The following EIPR1 variants were observed in gnomAD, a reference collection of about 807,000 sequenced individuals.
EIPR1 encodes the protein EARP and GARP complex-interacting protein 1.
A neutral mutation model predicts 48.1 loss-of-function variants in EIPR1; 25 were observed. The observed-to-expected ratio is 0.52, with a 90% CI of 0.38 to 0.73. The LOEUF is 0.73. Ranked by LOEUF, EIPR1 falls within the 30% of genes least tolerant of loss-of-function variation. The pLI is 0.00. For missense variants in EIPR1, 415 were observed against 506.2 expected (o/e 0.82, Z 1.73); for synonymous variants, 204 against 201.9 (o/e 1.01, Z -0.09).
chr2:3,279,410 T>C (rs1456542646), intron 3 of EIPR1, among the ~76,000 whole-genome samples: 1 of 152,158 alleles, frequency 6.6e-6, no homozygotes, highest in African/African-American at 2.4e-5. Context: ...CGAGGTAGCG[T>C]AGGATACAGG....
intron 4 of EIPR1, among the ~76,000 whole-genome samples, chr2:3,228,986 C>A (rs2368683): frequency 6.6e-6 from 1 of 152,130 alleles, no homozygotes; most frequent in South Asian, 2.1e-4. Flanking sequence ...GACTAATATA[C>A]CCTAGTCAAA....
At chr2:3,238,378 G>A (rs924594185) in intron 4 of EIPR1, among the ~76,000 whole-genome samples, 5 of 152,318 alleles carry the variant, frequency 3.3e-5, no homozygotes, top group East Asian at 1.9e-4. Flanking sequence ...CCAGAGCCGC[G>A]GGAGGTCCTG....
intron 5 of EIPR1, among the ~76,000 whole-genome samples, chr2:3,213,051 G>C (rs1014275865): frequency 6.6e-6 from 1 of 152,072 alleles, no homozygotes; most frequent in Non-Finnish European, 1.5e-5. Flanking sequence ...CTGAGGAAAG[G>C]ACTTATTAAT....
Position 3,198,535 on chromosome 2 carries a change from G to A in EIPR1, c.517-1518C>T, listed in dbSNP as rs553788752. Among the ~76,000 whole-genome samples the A allele has an allele frequency of 1.4e-4, 21 of 152,230 alleles. No homozygotes were observed. The South Asian group carries it at 1.7e-3, about 12-fold the overall frequency. ...ACCATCCTTGCAGAGCCTTGTTATC[G>A]GGGGAACCCACCCCCGATAATTCAA... On this transcript the variant is annotated intron_variant, in intron 5 of 8. Coordinates refer to ENST00000382125, the MANE Select transcript of EIPR1 (RefSeq NM_003310.5).
At chr2:3,191,773 GC>G (rs1664614012) in intron 8 of EIPR1, among the ~76,000 whole-genome samples, 1 of 152,248 alleles carries the variant, frequency 6.6e-6, no homozygotes, top group Admixed American at 6.5e-5. Context: ...TGAAGAGGCT[GC>G]CCTTAGCGAT....
chr2:3,359,351 A>G (rs1011846409), intron 1 of EIPR1, among the ~76,000 whole-genome samples: 15 of 152,302 alleles, frequency 9.8e-5, no homozygotes, highest in African/African-American at 3.6e-4. Flanking sequence ...TATTCAATTT[A>G]CTCCACTCTA....
intron 3 of EIPR1, among the ~76,000 whole-genome samples, chr2:3,273,508 A>G (rs1667757676): frequency 7.0e-6 from 1 of 141,932 alleles, no homozygotes; most frequent in Non-Finnish European, 1.5e-5. Flanking sequence ...GCTGGCATGC[A>G]TAGAAAAATG....
chr2:3,289,062 T>G (rs1668291380), intron 3 of EIPR1, among the ~76,000 whole-genome samples: 1 of 152,260 alleles, frequency 6.6e-6, no homozygotes, highest in Non-Finnish European at 1.5e-5. Flanking sequence ...TCTGGAGTTT[T>G]AATTGCCCAT....
intron 3 of EIPR1, among the ~76,000 whole-genome samples, chr2:3,300,303 T>C (rs1406195189): frequency 1.3e-5 from 2 of 152,228 alleles, no homozygotes; most frequent in East Asian, 1.9e-4. Flanking sequence ...TACTCTCCTT[T>C]GTACCTAGAC....
chr2:3,192,414 T>C lies in EIPR1; in HGVS notation c.989A>G (p.Lys330Arg), dbSNP rs984374759. 1.9e-6 allele frequency: 3 copies of C among 1,608,354 alleles called. No individual in the cohort carries two copies. The highest frequency in any genetic ancestry group is 1.7e-5 in the Admixed American group (1 of 59,214). Residue 330 changes from lysine to arginine, a missense_variant and splice_region_variant, in exon 8 of 9, where the codon AAG becomes AGG. Transcript: ENST00000382125. ...GCCACTCTGCAGTGCGTGCCCTTAC[T>C]TCTCTTCAGAACGGTGGTCCTCCTG... ...SDQEDHRSEE[K>R]SKEPLQDNVI...
intron 3 of EIPR1, among the ~76,000 whole-genome samples, chr2:3,309,983 G>A (rs903306893): frequency 2.0e-5 from 3 of 152,116 alleles, no homozygotes; most frequent in African/African-American, 4.8e-5. Flanking sequence ...GGGCAGGGAC[G>A]CTCCCTGCGC....
chr2:3,266,802 G>C (rs1667503455), intron 3 of EIPR1, among the ~76,000 whole-genome samples: 1 of 152,212 alleles, frequency 6.6e-6, no homozygotes, highest in South Asian at 2.1e-4. Flanking sequence ...GAGGCCAAGA[G>C]AGAAAAAGAC....
Position 3,188,970 on chromosome 2 carries a change from T to C in EIPR1, c.*364A>G, listed in dbSNP as rs144066636. On this transcript the variant is annotated 3_prime_UTR_variant, in exon 9 of 9. Transcript: ENST00000382125. ...CCTGAAAGAATGAGCCGAGCACCTG[T>C]GCAGCGTGGATTTATTTTATTTCAT... is the stretch of plus-strand genomic sequence containing the variant. The C allele has an allele frequency of 5.7e-3, 958 of 167,376 alleles. 10 individuals carry two copies. The highest frequency in any genetic ancestry group is 0.021 in the African/African-American group (875 of 42,220). 10.4% of individuals were successfully genotyped at this position (167,376 alleles called of 1,614,324 possible). A position where few individuals can be genotyped will look rare whatever the true frequency, so the allele number is the denominator to read the frequency against.
chr2:3,200,274 C>T (rs1165151806), intron 5 of EIPR1, among the ~76,000 whole-genome samples: 1 of 152,154 alleles, frequency 6.6e-6, no homozygotes, highest in Non-Finnish European at 1.5e-5. Context: ...GCCCAGCTCC[C>T]CTGTGCCCAG....
intron 3 of EIPR1, among the ~76,000 whole-genome samples, chr2:3,293,392 G>A (rs537721685): frequency 9.2e-5 from 14 of 152,332 alleles, no homozygotes; most frequent in Middle Eastern, 3.4e-3. Context: ...GAGTCCATGC[G>A]TGGGGAGGGC....
At chr2:3,209,149 G>C (rs1217150382) in intron 5 of EIPR1, among the ~76,000 whole-genome samples, 1 of 152,198 alleles carries the variant, frequency 6.6e-6, no homozygotes, top group East Asian at 1.9e-4. Flanking sequence ...AGGGTGATTT[G>C]AAAGTTGGAG....
intron 3 of EIPR1, among the ~76,000 whole-genome samples, chr2:3,299,447 G>A (rs954261788): frequency 1.1e-4 from 16 of 152,252 alleles, no homozygotes; most frequent in African/African-American, 2.4e-4. Context: ...CTGACTGGGC[G>A]CGGCCTTGTT....
At chr2:3,339,087 C>G (rs1402173317) in intron 2 of EIPR1, among the ~76,000 whole-genome samples, 2 of 152,190 alleles carry the variant, frequency 1.3e-5, no homozygotes, top group African/African-American at 4.8e-5. Context: ...GTACTGTAGA[C>G]TACTCAGTGG....
intron 2 of EIPR1, among the ~76,000 whole-genome samples, chr2:3,341,251 G>A (rs1350697011): frequency 1.3e-5 from 2 of 152,050 alleles, no homozygotes; most frequent in Non-Finnish European, 2.9e-5. Flanking sequence ...GACACGAGAA[G>A]GAGCACCTTG....
Sources: allele counts gnomAD v4.1 joint callset (sites outside exome capture counted in the v4.1 genomes callset), GRCh38; gene constraint gnomAD v4.1.1; transcripts MANE v1.5; gene names NCBI Gene and HGNC (gene_info 2026-07-23, HGNC 2026-07-21).